LINGO2: variants seen among roughly 807,000 people sequenced by gnomAD.
The protein encoded by LINGO2 is leucine-rich repeat and immunoglobulin-like domain-containing nogo receptor-interacting protein 2.
In LINGO2, 14 loss-of-function variants were observed where a neutral mutation model predicts 30.6. That is an observed-to-expected ratio of 0.46 (90% CI 0.30 to 0.72). The LOEUF is 0.72. Ranked by LOEUF, LINGO2 falls within the 30% of genes least tolerant of loss-of-function variation. The pLI, the probability that LINGO2 is intolerant of heterozygous loss-of-function variation, is 0.07. For synonymous variants in LINGO2, 317 were observed against 288.5 expected (o/e 1.10, Z -1.00); for missense variants, 729 against 751.7 (o/e 0.97, Z 0.35).
intron 5 of LINGO2, among the ~76,000 whole-genome samples, chr9:27,968,239 C>T (rs542763834): frequency 4.6e-5 from 7 of 152,084 alleles, no homozygotes; most frequent in Middle Eastern, 6.8e-3. Context: ...AAATTGGAAT[C>T]ACATAATTTT....
At chr9:28,794,681 T>C in the LINGO2 span, among the ~76,000 whole-genome samples, 1 of 152,162 alleles carries the variant, frequency 6.6e-6, no homozygotes, top group Non-Finnish European at 1.5e-5. Context: ...GGAAGTGTAA[T>C]TAGAAAACTC....
chr9:29,172,162 G>T, the LINGO2 span, among the ~76,000 whole-genome samples: 1 of 151,698 alleles, frequency 6.6e-6, no homozygotes. Context: ...ACAGATTTTT[G>T]ACAGAATTAT....
At chr9:28,306,416 C>A (rs1824357902) in intron 3 of LINGO2, among the ~76,000 whole-genome samples, 1 of 152,108 alleles carries the variant, frequency 6.6e-6, no homozygotes, top group African/African-American at 2.4e-5. Flanking sequence ...ATCTCTGGGA[C>A]ACAGTCAAAA....
chr9:28,467,546 C>G lies in LINGO2; in HGVS notation c.-279+8394G>C, dbSNP rs145380001. On this transcript the variant is annotated intron_variant, in intron 2 of 5. Transcript: ENST00000379992. Reference sequence around the variant, plus strand: ...ACAATTCCTTAAATACCATAGCATGCATTTTCTCCTTCAAAAGTTAGCTTA... The same window carrying G: ...ACAATTCCTTAAATACCATAGCATGGATTTTCTCCTTCAAAAGTTAGCTTA... Among the ~76,000 whole-genome samples, 532 of 152,228 alleles carry G rather than the reference C, an allele frequency of 3.5e-3. 4 individuals carry two copies. The highest frequency in any genetic ancestry group is 0.012 in the African/African-American group (491 of 41,536).
At chr9:29,098,664 C>A in the LINGO2 span, among the ~76,000 whole-genome samples, 5 of 151,948 alleles carry the variant, frequency 3.3e-5, no homozygotes, top group East Asian at 9.7e-4. Flanking sequence ...GTGAAATAGG[C>A]CCAGCTAGGT....
the LINGO2 span, among the ~76,000 whole-genome samples, chr9:29,073,973 CAG>C: frequency 1.3e-5 from 2 of 152,090 alleles, no homozygotes; most frequent in African/African-American, 4.8e-5. Flanking sequence ...GAAAAATACT[CAG>C]AGTTAAATGA....
intron 4 of LINGO2, among the ~76,000 whole-genome samples, chr9:28,081,459 G>A (rs533542235): frequency 6.6e-6 from 1 of 152,122 alleles, no homozygotes; most frequent in Non-Finnish European, 1.5e-5. Context: ...CTTTCATGTG[G>A]TATATAATGG....
chr9:28,864,958 T>G, the LINGO2 span, among the ~76,000 whole-genome samples: 1 of 152,110 alleles, frequency 6.6e-6, no homozygotes, highest in African/African-American at 2.4e-5. Flanking sequence ...TATGAAAAGT[T>G]TCCATATAGG....
intron 2 of LINGO2, among the ~76,000 whole-genome samples, chr9:28,430,288 G>T (rs1208390347): frequency 6.6e-6 from 1 of 152,066 alleles, no homozygotes; most frequent in Non-Finnish European, 1.5e-5. Context: ...GTGGGTGAAA[G>T]GTACCAACTT....
intron 5 of LINGO2, among the ~76,000 whole-genome samples, chr9:27,976,278 C>T (rs576516204): frequency 6.6e-6 from 1 of 152,050 alleles, no homozygotes; most frequent in African/African-American, 2.4e-5. Flanking sequence ...GTGTAGAACT[C>T]GATAAATGTT....
intron 2 of LINGO2, among the ~76,000 whole-genome samples, chr9:28,381,899 GT>G (rs1431118691): frequency 6.6e-6 from 1 of 151,974 alleles, no homozygotes; most frequent in African/African-American, 2.4e-5. Flanking sequence ...TGTTTCTTCA[GT>G]TTTTTTCTTT....
At chr9:28,889,891 T>C in the LINGO2 span, among the ~76,000 whole-genome samples, 1 of 152,018 alleles carries the variant, frequency 6.6e-6, no homozygotes, top group Non-Finnish European at 1.5e-5. Context: ...AATTTTAAGC[T>C]CTAGAAAATT....
chr9:29,044,521 T>C, the LINGO2 span, among the ~76,000 whole-genome samples: 1 of 152,040 alleles, frequency 6.6e-6, no homozygotes, highest in Non-Finnish European at 1.5e-5. Context: ...TATAATTACT[T>C]GTAGGAGAAT....
At chr9:28,480,765 T>G (rs1825930803) in intron 1 of LINGO2, among the ~76,000 whole-genome samples, 1 of 152,112 alleles carries the variant, frequency 6.6e-6, no homozygotes, top group Admixed American at 6.6e-5. Flanking sequence ...TTTCAATTTT[T>G]TTTGTTAGTA....
chr9:28,193,978 T>A (rs1310407630), intron 4 of LINGO2, among the ~76,000 whole-genome samples: 1 of 152,130 alleles, frequency 6.6e-6, no homozygotes, highest in Non-Finnish European at 1.5e-5. Flanking sequence ...GAAAGAAAAG[T>A]GGAATTGTAT....
rs1491111372 is a variant in LINGO2 at position 28,506,485 on chromosome 9, C to CATATATATATAT, written c.-364-30461_-364-30460insATATATATATAT. On this transcript the variant is annotated intron_variant, in intron 1 of 5. Coordinates refer to ENST00000379992, the Ensembl canonical transcript of LINGO2. ...ACATACACACACACACACACATACA[C>CATATATATATAT]ATACACACACACACACAGACATATA... is the stretch of plus-strand genomic sequence containing the variant. Among the ~76,000 whole-genome samples, 283 of 73,276 alleles carry CATATATATATAT rather than the reference C, an allele frequency of 3.9e-3. 35 individuals are homozygous for CATATATATATAT. The highest frequency in any genetic ancestry group is 0.018 in the Middle Eastern group (2 of 112). The allele number at this position is 73,276 out of a possible 152,430, so 48.1% of individuals were successfully genotyped here.
chr9:29,065,967 A>C, the LINGO2 span, among the ~76,000 whole-genome samples: 1 of 151,990 alleles, frequency 6.6e-6, no homozygotes, highest in Admixed American at 6.6e-5. Context: ...AAAACAACAA[A>C]ATATTTAAGC....
chr9:29,157,088 C>A, the LINGO2 span, among the ~76,000 whole-genome samples: 214 of 151,830 alleles, frequency 1.4e-3, 2 homozygotes, highest in African/African-American at 4.9e-3. Context: ...CCCACCTACA[C>A]AAAAGTTAAA....
chr9:28,150,871 T>C (rs770442109), intron 4 of LINGO2, among the ~76,000 whole-genome samples: 6 of 152,186 alleles, frequency 3.9e-5, no homozygotes, highest in African/African-American at 1.4e-4. Flanking sequence ...GTAAAAATCT[T>C]AAACAGGTCA....
Sources: allele counts gnomAD v4.1 joint callset (sites outside exome capture counted in the v4.1 genomes callset), GRCh38; gene constraint gnomAD v4.1.1; transcripts MANE v1.5; gene names NCBI Gene and HGNC (gene_info 2026-07-23, HGNC 2026-07-21).